The following STX11 variants were observed in gnomAD, a reference collection of about 807,000 sequenced individuals.
STX11 encodes syntaxin 11.
STX11 carries 21 observed loss-of-function variants against 19.9 expected under a neutral mutation model. The observed-to-expected ratio is 1.06, with a 90% CI of 0.75 to 1.52. The LOEUF (loss-of-function observed/expected upper bound fraction) is 1.52. Among genes scored for constraint, STX11 ranks in the 40% most tolerant of loss-of-function variants. STX11 has a pLI of 0.00. For synonymous variants in STX11, 193 were observed against 174.4 expected, an observed-to-expected ratio of 1.11 and a Z score of -0.84; for missense variants, 438 against 405.9, an observed-to-expected ratio of 1.08 and a Z score of -0.68.
At chr6:144,185,456 T>G (rs999463925) in intron 1 of STX11, among the ~76,000 whole-genome samples, 1 of 152,216 alleles carries the variant, frequency 6.6e-6, no homozygotes, top group Non-Finnish European at 1.5e-5. Flanking sequence ...TATTAGCATA[T>G]ATACATGCTA....
At position 144,190,708 on chromosome 6, in the gene STX11, T is replaced by C. The variant is rs2128758963; in HGVS notation, c.*3217T>C. Among the ~76,000 whole-genome samples the C allele has an allele frequency of 6.6e-6, 1 of 152,262 alleles. No individual in the cohort carries two copies. Among genetic ancestry groups the C allele is most frequent in the East Asian group, 1.9e-4 (1 of 5,178 alleles). ...AAAACACGTAAGCAGGAAGCAGCTG[T>C]TCTGCTCAGCTTGGCAGGTGTTCTT... On this transcript the variant is annotated 3_prime_UTR_variant, in exon 2 of 2. Transcript: ENST00000367568.
rs781652788 is a variant in STX11 at position 144,187,233 on chromosome 6, C to G, written c.606C>G (p.Ala202=). The change falls in exon 2 of 2, where the codon GCC becomes GCG. Residue 202 remains alanine (A), a synonymous_variant. Transcript: ENST00000367568. The surrounding 1 kb of genome is among the most constrained non-coding windows in gnomAD (Gnocchi z 5.6). ...TGGCCGACGTGAAGGGCGCGCGGGC[C>G]GCCCTCAACGAGATCGAGAGCCGCC... ...NLLADVKGAR[A]ALNEIESRHR... 13 of 1,613,886 alleles carry G rather than the reference C, an allele frequency of 8.1e-6. No individual in the cohort carries two copies. The highest frequency in any genetic ancestry group is 2.2e-5 in the South Asian group (2 of 91,088).
rs1801762013 is a variant in STX11, at chr6:144,175,685, G to T, written c.-5-10938G>T. On this transcript the variant is annotated intron_variant, in intron 1 of 1. Transcript: ENST00000367568. This position sits in a 1 kb window ranked among gnomAD's most constrained non-coding sequence, Gnocchi z 5.1. Reference sequence around the variant, plus strand: ...TCCTCATCTTTACAGTGAAGGCACTGTGCAAGCTAGTCATTACAGGCTTTT... The same window carrying T: ...TCCTCATCTTTACAGTGAAGGCACTTTGCAAGCTAGTCATTACAGGCTTTT... Among the ~76,000 whole-genome samples the T allele has an allele frequency of 6.6e-6, 1 of 152,218 alleles. No individual in the cohort carries two copies. The highest frequency in any genetic ancestry group is 2.1e-4 in the South Asian group (1 of 4,830).
chr6:144,166,129 G>C (rs1346285818), intron 1 of STX11, among the ~76,000 whole-genome samples: 1 of 152,180 alleles, frequency 6.6e-6, no homozygotes, highest in African/African-American at 2.4e-5. Context: ...GCGTGTTCTT[G>C]AATCTAACTG....
intron 1 of STX11, among the ~76,000 whole-genome samples, chr6:144,158,181 T>C (rs1368701784): frequency 1.3e-5 from 2 of 152,134 alleles, no homozygotes; most frequent in African/African-American, 4.8e-5. Flanking sequence ...TCTATTGAGA[T>C]TTTTTCAGAT....
chr6:144,165,379 C>T lies in STX11; in HGVS notation c.-6+14676C>T, dbSNP rs1350716070. Among the ~76,000 whole-genome samples, 1 of 151,704 alleles carries T rather than the reference C, an allele frequency of 6.6e-6. No individual in the cohort carries two copies. Among genetic ancestry groups the T allele is most frequent in the Non-Finnish European group, 1.5e-5 (1 of 67,972 alleles). Reference sequence around the variant, plus strand: ...CTGAGGCAGGAGAATTGCTTGAACCCGGGAGGCGGAGGTTGCGGTGAGCAG... The same window carrying T: ...CTGAGGCAGGAGAATTGCTTGAACCTGGGAGGCGGAGGTTGCGGTGAGCAG... On this transcript the variant is annotated intron_variant, in intron 1 of 1. Coordinates refer to ENST00000367568, the MANE Select transcript of STX11 (RefSeq NM_003764.4). The surrounding 1 kb of genome is among the most constrained non-coding windows in gnomAD (Gnocchi z 5.8).
At chr6:144,164,813 C>A (rs1221185206) in intron 1 of STX11, among the ~76,000 whole-genome samples, 1 of 152,176 alleles carries the variant, frequency 6.6e-6, no homozygotes, top group Non-Finnish European at 1.5e-5. Context: ...CCTGCTTCAG[C>A]ATCCCAAGTA....
Position 144,170,826 on chromosome 6 carries a change from G to A in STX11, c.-5-15797G>A, listed in dbSNP as rs1262154797. ...TACTGAATCTACATTAGTTATTTGAGGGAATTTAAATCACAGGAATACATG... is the reference window on the plus strand; with the variant it reads ...TACTGAATCTACATTAGTTATTTGAAGGAATTTAAATCACAGGAATACATG... On this transcript the variant is annotated intron_variant, in intron 1 of 1. Transcript: ENST00000367568. This position sits in a 1 kb window ranked among gnomAD's most constrained non-coding sequence, Gnocchi z 4.7. 6.6e-6 allele frequency among the ~76,000 whole-genome samples: 1 copy of A among 152,118 alleles called. No homozygotes were observed. Among genetic ancestry groups the A allele is most frequent in the Non-Finnish European group, 1.5e-5 (1 of 68,026 alleles).
In STX11 at chr6:144,191,686, G is replaced by A. The variant is rs540467361; in HGVS notation, c.*4195G>A. On this transcript the variant is annotated 3_prime_UTR_variant, in exon 2 of 2. Coordinates refer to ENST00000367568, the MANE Select transcript of STX11 (RefSeq NM_003764.4). ...CAACTCATTCATTTGTAATCAAGAC[G>A]ATAGTTTGAAACACCCAATTGTAAT... 5.9e-5 allele frequency among the ~76,000 whole-genome samples: 9 copies of A among 152,240 alleles called. No homozygotes were observed. The highest frequency in any genetic ancestry group is 1.3e-4 in the Admixed American group (2 of 15,288).
rs1802194984 is a variant in STX11 at position 144,190,868 on chromosome 6, C to T, written c.*3377C>T. Among the ~76,000 whole-genome samples the T allele has an allele frequency of 6.6e-6, 1 of 152,150 alleles. No homozygotes were observed. Among genetic ancestry groups the T allele is most frequent in the Non-Finnish European group, 1.5e-5 (1 of 68,016 alleles). Reference sequence around the variant, plus strand: ...CCTGGCCTATTCACCAAAGCCCTTCCTGGCTCTGACTGCCACACCAGGCAG... The same window carrying T: ...CCTGGCCTATTCACCAAAGCCCTTCTTGGCTCTGACTGCCACACCAGGCAG... On this transcript the variant is annotated 3_prime_UTR_variant, in exon 2 of 2. Coordinates refer to ENST00000367568, the MANE Select transcript of STX11 (RefSeq NM_003764.4).
At position 144,184,394 on chromosome 6, in the gene STX11, G is replaced by C. The variant is rs1801978554; in HGVS notation, c.-5-2229G>C. Among the ~76,000 whole-genome samples the C allele has an allele frequency of 6.6e-6, 1 of 152,138 alleles. No homozygotes were observed. Among genetic ancestry groups the C allele is most frequent in the Admixed American group, 6.5e-5 (1 of 15,276 alleles). On this transcript the variant is annotated intron_variant, in intron 1 of 1. Transcript: ENST00000367568. The surrounding 1 kb of genome is among the most constrained non-coding windows in gnomAD (Gnocchi z 6.5). ...TTGACATTTTAATAGTCACCATTCT[G>C]ACTGGCATGAGATGGAATTACCAGT...
rs1801713338 is a variant in STX11, at chr6:144,174,098, G to A, written c.-5-12525G>A. Among the ~76,000 whole-genome samples the A allele has an allele frequency of 6.6e-6, 1 of 152,188 alleles. No individual in the cohort carries two copies. Among genetic ancestry groups the A allele is most frequent in the African/African-American group, 2.4e-5 (1 of 41,448 alleles). Reference sequence around the variant, plus strand: ...TTTCAGTCTTTTGTTAGGTTAGCTGGTGGTTGTGCTCAGCCTCGAGTACTG... The same window carrying A: ...TTTCAGTCTTTTGTTAGGTTAGCTGATGGTTGTGCTCAGCCTCGAGTACTG... On this transcript the variant is annotated intron_variant, in intron 1 of 1. Transcript: ENST00000367568. The surrounding 1 kb of genome is among the most constrained non-coding windows in gnomAD (Gnocchi z 5.3).
Position 144,187,464 on chromosome 6 carries a change from C to G in STX11, c.837C>G (p.Cys279Trp), listed in dbSNP as rs1280368486. The G allele has an allele frequency of 6.2e-7, 1 of 1,612,482 alleles. No homozygotes were observed. The highest frequency in any genetic ancestry group is 1.1e-5 in the South Asian group (1 of 91,068). The change falls in exon 2 of 2, where the codon TGC becomes TGG. Residue 279 changes from cysteine (C) to tryptophan (W), a missense_variant. Cys to Trp is a radical substitution (Grantham distance 215). Transcript: ENST00000367568. The surrounding 1 kb of genome is among the most constrained non-coding windows in gnomAD (Gnocchi z 5.6). ...AGAAGAACCCCTGCCGGACCCTCTG[C>G]TGCTTCTGCTGTCCCTGCCTCAAGT... Reference protein sequence around the residue: ...YEEKNPCRTLCCFCCPCLK With the variant: ...YEEKNPCRTLWCFCCPCLK
intron 1 of STX11, among the ~76,000 whole-genome samples, chr6:144,158,465 TA>T (rs1285840626): frequency 6.6e-6 from 1 of 152,194 alleles, no homozygotes; most frequent in African/African-American, 2.4e-5. Context: ...TCAGTGAACT[TA>T]GAGGAATCAG....
chr6:144,174,566 C>A lies in STX11; in HGVS notation c.-5-12057C>A, dbSNP rs1032874501. On this transcript the variant is annotated intron_variant, in intron 1 of 1. Transcript: ENST00000367568. This position sits in a 1 kb window ranked among gnomAD's most constrained non-coding sequence, Gnocchi z 5.3. ...TGTGTTTTTGTAGAGCTGGATTTTG[C>A]CCTGTTACCCAGGCTGGTCTTGAAC... Among the ~76,000 whole-genome samples the A allele has an allele frequency of 7.2e-5, 11 of 151,920 alleles. No individual in the cohort carries two copies. The highest frequency in any genetic ancestry group is 7.2e-4 in the Admixed American group (11 of 15,234).
At chr6:144,173,498 T>A (rs1346512852) in intron 1 of STX11, among the ~76,000 whole-genome samples, 1 of 152,184 alleles carries the variant, frequency 6.6e-6, no homozygotes, top group Non-Finnish European at 1.5e-5. Flanking sequence ...AGATAAAAAG[T>A]TTTTATTTTC....
rs1802175712 is a variant in STX11 at position 144,190,018 on chromosome 6, T to C, written c.*2527T>C. 6.6e-6 allele frequency among the ~76,000 whole-genome samples: 1 copy of C among 152,244 alleles called. No individual in the cohort carries two copies. The highest frequency in any genetic ancestry group is 6.5e-5 in the Admixed American group (1 of 15,288). ...GCATTTTCTTTGCTTGGAACCATTA[T>C]AAAAGTAAGTGAGTTTTCAGGCTCT... On this transcript the variant is annotated 3_prime_UTR_variant, in exon 2 of 2. Coordinates refer to ENST00000367568, the MANE Select transcript of STX11 (RefSeq NM_003764.4).
In STX11 at chr6:144,188,915, A is replaced by T. The variant is rs924482263; in HGVS notation, c.*1424A>T. Among the ~76,000 whole-genome samples the T allele has an allele frequency of 1.6e-4, 25 of 151,892 alleles. No homozygotes were observed. The highest frequency in any genetic ancestry group is 1.5e-3 in the Admixed American group (23 of 15,266). On this transcript the variant is annotated 3_prime_UTR_variant, in exon 2 of 2. Coordinates refer to ENST00000367568, the MANE Select transcript of STX11 (RefSeq NM_003764.4). The stretch of plus-strand genomic sequence containing the variant: ...CTAATTTTTTATGTTTTTAGTAAAG[A>T]CGGTGTTTCACCGTGTTAGCCAGGA...
chr6:144,161,619 C>T lies in STX11; in HGVS notation c.-6+10916C>T, dbSNP rs530252505. Among the ~76,000 whole-genome samples the T allele has an allele frequency of 2.6e-5, 4 of 152,292 alleles. No individual in the cohort carries two copies. In the East Asian group the frequency reaches 7.7e-4, roughly 29 times the overall value. ...CTGACCTCAGGTGATCCACCCACCTCAGCCTCCCGAAGTGCTGGGATTATA... is the reference window on the plus strand; with the variant it reads ...CTGACCTCAGGTGATCCACCCACCTTAGCCTCCCGAAGTGCTGGGATTATA... On this transcript the variant is annotated intron_variant, in intron 1 of 1. Coordinates refer to ENST00000367568, the MANE Select transcript of STX11 (RefSeq NM_003764.4).
Sources: gnomAD v4.1 joint callset for allele counts (sites outside exome capture counted in the v4.1 genomes callset) on GRCh38, gnomAD v4.1.1 for gene constraint, Gnocchi (gnomAD v3.1) non-coding constraint, MANE v1.5 for transcripts, NCBI Gene and HGNC (gene_info 2026-07-23, HGNC 2026-07-21) for gene names.